The following LRRC4C variants were observed in gnomAD, a reference collection of about 807,000 sequenced individuals.
The protein encoded by LRRC4C is leucine-rich repeat-containing protein 4C.
LRRC4C carries 5 observed loss-of-function variants against 33.6 expected under a neutral mutation model. The observed-to-expected ratio is 0.15, with a 90% CI of 0.08 to 0.31. The LOEUF (loss-of-function observed/expected upper bound fraction) is 0.31. LRRC4C is among the 10% of genes least tolerant of loss of function. The pLI is 1.00. For synonymous variants in LRRC4C, 329 were observed against 302.0 expected (o/e 1.09, Z -0.93); for missense variants, 560 against 796.7 (o/e 0.70, Z 3.58).
At chr11:40,184,665 C>T (rs1468762716) in intron 5 of LRRC4C, among the ~76,000 whole-genome samples, 1 of 152,182 alleles carries the variant, frequency 6.6e-6, no homozygotes, top group Non-Finnish European at 1.5e-5. Context: ...ATCTCGGCTG[C>T]TGTCAGAATT....
intron 3 of LRRC4C, among the ~76,000 whole-genome samples, chr11:40,639,014 A>C (rs1473242873): frequency 1.3e-5 from 2 of 152,010 alleles, no homozygotes; most frequent in Non-Finnish European, 2.9e-5. Context: ...TGTTAAAGAG[A>C]TTTCTTTTTC....
intron 3 of LRRC4C, among the ~76,000 whole-genome samples, chr11:40,591,209 G>C (rs935461726): frequency 7.9e-5 from 12 of 152,196 alleles, no homozygotes; most frequent in African/African-American, 2.9e-4. Flanking sequence ...CGTCGGAAAA[G>C]CGCAGTATTC....
intron 1 of LRRC4C, among the ~76,000 whole-genome samples, chr11:41,377,922 C>T (rs984317441): frequency 3.3e-5 from 5 of 152,108 alleles, no homozygotes; most frequent in Non-Finnish European, 5.9e-5. Flanking sequence ...AGGAGGCAAT[C>T]GCCCTCTTGA....
At chr11:41,421,332 T>C (rs1330211302) in intron 1 of LRRC4C, among the ~76,000 whole-genome samples, 2 of 152,068 alleles carry the variant, frequency 1.3e-5, no homozygotes, top group Non-Finnish European at 2.9e-5. Context: ...TACACTTCCA[T>C]CTGCCATAGC....
At chr11:40,732,706 A>G (rs1252803885) in intron 2 of LRRC4C, among the ~76,000 whole-genome samples, 1 of 152,182 alleles carries the variant, frequency 6.6e-6, no homozygotes, top group Non-Finnish European at 1.5e-5. Flanking sequence ...GAGCTTCAAA[A>G]ACTAACTAGT....
intron 1 of LRRC4C, among the ~76,000 whole-genome samples, chr11:41,083,709 A>AGTG (rs1230116061): frequency 3.3e-5 from 5 of 152,344 alleles, no homozygotes; most frequent in Admixed American, 3.3e-4. Context: ...AAAACACTGT[A>AGTG]GTGGCCCTTG....
chr11:40,251,835 G>A (rs999876213), intron 4 of LRRC4C, among the ~76,000 whole-genome samples: 1 of 152,130 alleles, frequency 6.6e-6, no homozygotes, highest in African/African-American at 2.4e-5. Context: ...ATTTTGTGTT[G>A]TGACACAGCA....
chr11:40,451,903 A>G (rs1186173200), intron 3 of LRRC4C, among the ~76,000 whole-genome samples: 1 of 152,184 alleles, frequency 6.6e-6, no homozygotes, highest in African/African-American at 2.4e-5. Context: ...CAACTGAGGT[A>G]CCAGGTTCAT....
chr11:40,686,432 G>A (rs1490468720), intron 2 of LRRC4C, among the ~76,000 whole-genome samples: 2 of 151,998 alleles, frequency 1.3e-5, no homozygotes, highest in African/African-American at 4.8e-5. Context: ...AATCACTGGG[G>A]CAGCTTTTAA....
intron 1 of LRRC4C, among the ~76,000 whole-genome samples, chr11:41,278,535 T>G (rs909764981): frequency 7.2e-5 from 11 of 152,120 alleles, no homozygotes; most frequent in African/African-American, 1.2e-4. Context: ...TTTGAAAAAA[T>G]GTTCTAATGT....
intron 1 of LRRC4C, among the ~76,000 whole-genome samples, chr11:41,049,670 T>C (rs1858054287): frequency 6.6e-6 from 1 of 152,182 alleles, no homozygotes; most frequent in Non-Finnish European, 1.5e-5. Context: ...ATAAATTTTG[T>C]ATTTAGAAGT....
rs938386681 is a variant in LRRC4C, at chr11:41,458,552, AG to A, written c.-496+878del. 2.4e-5 allele frequency among the ~76,000 whole-genome samples: 2 copies of A among 84,366 alleles called. 1 individual carries two copies. Among genetic ancestry groups the A allele is most frequent in the Non-Finnish European group, 4.7e-5 (2 of 42,796 alleles). The allele number at this position is 84,366 out of a possible 152,430, so 55.3% of individuals were successfully genotyped here. ...TTGAAGGAAAAGCGTGGTGGGGGGG[AG>A]GGGGGCGGGTGAAGAAAGGCACAGT... On this transcript the variant is annotated intron_variant, in intron 1 of 6. Transcript: ENST00000528697.
chr11:40,502,871 T>C (rs1369442075), intron 3 of LRRC4C, among the ~76,000 whole-genome samples: 2 of 152,228 alleles, frequency 1.3e-5, no homozygotes, highest in African/African-American at 2.4e-5. Context: ...ATTTTTGTAA[T>C]GTAAGATGTT....
At chr11:40,177,836 AT>A (rs1042583721) in intron 5 of LRRC4C, among the ~76,000 whole-genome samples, 1 of 151,932 alleles carries the variant, frequency 6.6e-6, no homozygotes, top group African/African-American at 2.4e-5. Flanking sequence ...CTTTGTCTGT[AT>A]TTTTTCCCCA....
intron 3 of LRRC4C, among the ~76,000 whole-genome samples, chr11:40,571,546 T>C (rs780276419): frequency 2.0e-5 from 3 of 152,166 alleles, no homozygotes; most frequent in Non-Finnish European, 4.4e-5. Flanking sequence ...TACAACTAGT[T>C]ACAAGGAGAG....
rs938427196 is a variant in LRRC4C at position 40,913,641 on chromosome 11, G to C, written c.-407+19994C>G. Reference sequence around the variant, plus strand: ...CCTAACATCACTATTAAAGGAACTTGAGAAGCAAGAGCGAACACATTCAAA... The same window carrying C: ...CCTAACATCACTATTAAAGGAACTTCAGAAGCAAGAGCGAACACATTCAAA... On this transcript the variant is annotated intron_variant, in intron 2 of 6. Coordinates refer to ENST00000528697, the MANE Select transcript of LRRC4C (RefSeq NM_001258419.2). 1.2e-4 allele frequency among the ~76,000 whole-genome samples: 18 copies of C among 152,254 alleles called. No homozygotes were observed. In the South Asian group the frequency reaches 3.5e-3, roughly 30 times the overall value.
chr11:41,128,239 A>T (rs1477857221), intron 1 of LRRC4C, among the ~76,000 whole-genome samples: 1 of 151,290 alleles, frequency 6.6e-6, no homozygotes, highest in East Asian at 2.0e-4. Flanking sequence ...TTCCTTCATA[A>T]TGGAAGTGGA....
chr11:40,870,068 T>C (rs1305685009), intron 2 of LRRC4C, among the ~76,000 whole-genome samples: 2 of 152,100 alleles, frequency 1.3e-5, no homozygotes, highest in African/African-American at 4.8e-5. Context: ...AAGAACTATA[T>C]AATAAAAAGC....
At position 40,923,026 on chromosome 11, in the gene LRRC4C, T is replaced by C. The variant is rs374060040; in HGVS notation, c.-407+10609A>G. Among the ~76,000 whole-genome samples the C allele has an allele frequency of 1.2e-4, 18 of 152,300 alleles. No homozygotes were observed. The East Asian group carries it at 3.1e-3, about 26-fold the overall frequency. Reference sequence around the variant, plus strand: ...TTTTAGTAGAGACAGGGTTTCACCATGTTGGGCAGGCTGGTCTTAAACTCC... The same window carrying C: ...TTTTAGTAGAGACAGGGTTTCACCACGTTGGGCAGGCTGGTCTTAAACTCC... On this transcript the variant is annotated intron_variant, in intron 2 of 6. Transcript: ENST00000528697.
Sources: allele counts gnomAD v4.1 joint callset (sites outside exome capture counted in the v4.1 genomes callset), GRCh38; gene constraint gnomAD v4.1.1; transcripts MANE v1.5; gene names NCBI Gene and HGNC (gene_info 2026-07-23, HGNC 2026-07-21).